The following NCKAP1 variants were observed in gnomAD, a reference collection of about 807,000 sequenced individuals.
NCKAP1 encodes the protein nck-associated protein 1.
Under a neutral mutation model 151.2 loss-of-function variants are expected in NCKAP1, and 21 were observed. That is an observed-to-expected ratio of 0.14 (90% confidence interval 0.10 to 0.20). The LOEUF (loss-of-function observed/expected upper bound fraction) is 0.20, where lower values mean the gene tolerates loss of function less well. Among genes scored for constraint, NCKAP1 ranks in the 10% least tolerant of loss-of-function variants. The probability of loss-of-function intolerance (pLI) is 1.00; values close to 1 mark genes in which losing one functional copy is unlikely to be tolerated. For synonymous variants in NCKAP1, 484 were observed against 451.8 expected (o/e 1.07, Z -0.90); for missense variants, 933 against 1,352.1 (o/e 0.69, Z 4.86).
At chr2:183,005,593 A>G (rs1393136243) in intron 2 of NCKAP1, among the ~76,000 whole-genome samples, 1 of 151,972 alleles carries the variant, frequency 6.6e-6, no homozygotes, top group Non-Finnish European at 1.5e-5. Flanking sequence ...ATTCAACTTT[A>G]TTTCCCCCAA....
chr2:182,937,007 C>G (rs948945102), intron 24 of NCKAP1, among the ~76,000 whole-genome samples: 1 of 147,700 alleles, frequency 6.8e-6, no homozygotes, highest in East Asian at 2.1e-4. Context: ...CCCAGCTACT[C>G]GGGAGACTGA....
chr2:183,034,782 T>C (rs888336499), intron 1 of NCKAP1, among the ~76,000 whole-genome samples: 17 of 152,142 alleles, frequency 1.1e-4, no homozygotes, highest in Admixed American at 3.9e-4. Context: ...TTGTTTAAAA[T>C]GAAACATAAT....
At chr2:183,001,129 T>C (rs188877950) in intron 6 of NCKAP1, among the ~76,000 whole-genome samples, 31 of 152,258 alleles carry the variant, frequency 2.0e-4, no homozygotes, top group Admixed American at 5.2e-4. Flanking sequence ...ACAAGGTAAA[T>C]AGTTTAACTT....
Position 182,964,710 on chromosome 2 carries a change from A to G in NCKAP1, c.1727T>C (p.Phe576Ser). The G allele has an allele frequency of 1.2e-6, 2 of 1,604,830 alleles. No homozygotes were observed. Among genetic ancestry groups the G allele is most frequent in the Non-Finnish European group, 1.7e-6 (2 of 1,175,210 alleles). ...ACATAGTTCATGCGTGCAACTCATA[A>G]AATGAGTGCAAAGTAGTGGAAATGC... is the stretch of plus-strand genomic sequence containing the variant. ...SIAFPLLCTH[F>S]MSCTHELCPE... The change falls in exon 17 of 31, where the codon TTT (phenylalanine) becomes TCT (serine). Residue 576 changes from phenylalanine (F) to serine (S), a missense_variant. Transcript: ENST00000361354.
chr2:182,986,813 TTTAA>T (rs1559094572), intron 9 of NCKAP1, among the ~76,000 whole-genome samples: 1 of 152,188 alleles, frequency 6.6e-6, no homozygotes, highest in African/African-American at 2.4e-5. Context: ...TAAAAAAACA[TTTAA>T]TTAACATCAG....
intron 23 of NCKAP1, among the ~76,000 whole-genome samples, chr2:182,944,344 C>A (rs56152140): frequency 0.025 from 3,774 of 152,136 alleles, 76 homozygotes; most frequent in Non-Finnish European, 0.04. Flanking sequence ...GTGTTAAATT[C>A]TTGGCAAAAT....
At chr2:182,992,007 G>C (rs1698179661) in intron 8 of NCKAP1, among the ~76,000 whole-genome samples, 2 of 152,146 alleles carry the variant, frequency 1.3e-5, no homozygotes, top group Non-Finnish European at 2.9e-5. Flanking sequence ...GCTTGCACCA[G>C]AATCACTGAG....
At chr2:182,978,487 T>C (rs1328729744) in intron 14 of NCKAP1, among the ~76,000 whole-genome samples, 1 of 152,184 alleles carries the variant, frequency 6.6e-6, no homozygotes, top group African/African-American at 2.4e-5. Context: ...AATGGGATAA[T>C]ATATATGTAA....
In NCKAP1 at chr2:183,003,156, GAC is replaced by G; in HGVS notation, c.312+75_312+76del. 4 of 1,232,540 alleles carry G rather than the reference GAC, an allele frequency of 3.2e-6. No homozygotes were observed. The South Asian group carries it at 4.4e-5, about 13-fold the overall frequency. 76.4% of individuals were successfully genotyped at this position (1,232,540 alleles called of 1,614,324 possible). The stretch of plus-strand genomic sequence containing the variant: ...AATTTCAATTTTATTATTTACAACT[GAC>G]ACAGCAATTCACACAATTAATAAAC... On this transcript the variant is annotated intron_variant, in intron 3 of 30. Coordinates refer to ENST00000361354, the MANE Select transcript of NCKAP1 (RefSeq NM_013436.5).
intron 15 of NCKAP1, among the ~76,000 whole-genome samples, chr2:182,970,891 C>T (rs1409401829): frequency 1.3e-5 from 2 of 151,896 alleles, no homozygotes; most frequent in African/African-American, 4.8e-5. Context: ...ACTGATCAAC[C>T]AATTCAGTTT....
At chr2:182,979,400 C>G (rs1697892888) in intron 13 of NCKAP1, among the ~76,000 whole-genome samples, 1 of 151,934 alleles carries the variant, frequency 6.6e-6, no homozygotes, top group Non-Finnish European at 1.5e-5. Context: ...TGTTAGGCCT[C>G]AACAAAATTA....
rs762713655 is a variant in NCKAP1 at position 183,002,239 on chromosome 2, A to C, written c.400T>G (p.Leu134Val). Residue 134 changes from leucine (L) to valine (V), a missense_variant, in exon 5 of 31, where the codon TTA becomes GTA. Leu to Val is a conservative substitution (Grantham distance 32, BLOSUM62 1). This residue lies in a region of NCKAP1 where 607 missense variants were observed against 795.0 expected (regional missense o/e 0.76). Coordinates refer to ENST00000361354, the MANE Select transcript of NCKAP1 (RefSeq NM_013436.5). The part of the protein sequence containing the change: ...TVNFDLTKNY[L>V]DLIITYTTLM... ...GTTGTATAGGTTATAATTAAATCTA[A>C]GTAGTTCTTTGTTAAATCAAAGTTT... 1 of 1,557,466 alleles carries C rather than the reference A, an allele frequency of 6.4e-7. No homozygotes were observed. The highest frequency in any genetic ancestry group is 2.2e-5 in the East Asian group (1 of 44,570).
intron 26 of NCKAP1, 112 bp from the exon 27 acceptor site, chr2:182,930,900 G>T: frequency 1.2e-6 from 1 of 834,096 alleles, no homozygotes; most frequent in Non-Finnish European, 1.9e-6. Flanking sequence ...CGGAAACTTG[G>T]CTGAAGCAGA....
Position 182,914,423 on chromosome 2 carries a change from TCTTTAA to T in NCKAP1, c.*11273_*11278del, listed in dbSNP as rs1196945629. 2.0e-5 allele frequency: 3 copies of T among 152,182 alleles called. No homozygotes were observed. The highest frequency in any genetic ancestry group is 7.2e-5 in the African/African-American group (3 of 41,442). 9.4% of individuals were successfully genotyped at this position (152,182 alleles called of 1,614,324 possible). On this transcript the variant is annotated 3_prime_UTR_variant, in exon 31 of 31. Coordinates refer to ENST00000361354, the MANE Select transcript of NCKAP1 (RefSeq NM_013436.5). ...TAGATTAAAACAGGCAATTTCTATT[TCTTTAA>T]CTTTCCTACTCAAGCATTGTTTTTA...
chr2:183,029,821 GAAAAAAAAAAAA>G (rs71405500), intron 1 of NCKAP1, among the ~76,000 whole-genome samples: 2 of 50,742 alleles, frequency 3.9e-5, no homozygotes, highest in Non-Finnish European at 7.7e-5. Context: ...ACCCTGACTC[GAAAAAAAAAAAA>G]AAAAAAAGAG....
At chr2:182,996,735 C>T (rs575511270) in intron 6 of NCKAP1, among the ~76,000 whole-genome samples, 4 of 152,116 alleles carry the variant, frequency 2.6e-5, no homozygotes, top group Non-Finnish European at 5.9e-5. Flanking sequence ...GGATTACAGG[C>T]GTGAGCCACC....
rs1697447440 is a variant in NCKAP1, at chr2:182,961,371, G to A, written c.1881+788C>T. Among the ~76,000 whole-genome samples the A allele has an allele frequency of 1.3e-5, 2 of 152,164 alleles. 1 individual carries two copies. The highest frequency in any genetic ancestry group is 4.1e-4 in the South Asian group (2 of 4,822). On this transcript the variant is annotated intron_variant, in intron 18 of 30. Coordinates refer to ENST00000361354, the MANE Select transcript of NCKAP1 (RefSeq NM_013436.5). ...TGATAGACTGGATTAAGAAAATGTG[G>A]CACATATACACCATGGAATACTATG...
chr2:182,970,798 G>A (rs527560294), intron 15 of NCKAP1, among the ~76,000 whole-genome samples: 1 of 152,144 alleles, frequency 6.6e-6, no homozygotes, highest in Non-Finnish European at 1.5e-5. Context: ...TAAAAGGCAT[G>A]CAAACTTGAA....
chr2:182,990,963 A>T (rs964935903), intron 8 of NCKAP1, among the ~76,000 whole-genome samples: 4 of 152,150 alleles, frequency 2.6e-5, no homozygotes, highest in Non-Finnish European at 5.9e-5. Flanking sequence ...CTGGCACACA[A>T]TCAAAGAAAC....
Sources: gnomAD v4.1 joint callset for allele counts (sites outside exome capture counted in the v4.1 genomes callset) on GRCh38, gnomAD v4.1.1 for gene constraint, gnomAD v4.1.1 regional missense constraint, MANE v1.5 for transcripts, NCBI Gene and HGNC (gene_info 2026-07-23, HGNC 2026-07-21) for gene names.